CEP120: variants seen among roughly 807,000 people sequenced by gnomAD.
The protein encoded by CEP120 is centrosomal protein 120.
CEP120 carries 113 observed loss-of-function variants against 126.5 expected under a neutral mutation model. The ratio of observed to expected loss-of-function variants is 0.89; its 90% CI spans 0.77 to 1.04. CEP120 has a LOEUF of 1.04. CEP120 is among the 50% of genes least tolerant of loss of function. The pLI is 0.00. For synonymous variants in CEP120, 400 were observed against 394.3 expected, an observed-to-expected ratio of 1.01 and a Z score of -0.17; for missense variants, 1,230 against 1,155.7, an observed-to-expected ratio of 1.06 and a Z score of -0.93.
intron 4 of CEP120, chr5:123,402,487 T>C (rs1773324465): frequency 5.5e-6 from 3 of 545,502 alleles, no homozygotes; most frequent in African/African-American, 1.9e-5. Context: ...CTCGGCTTAC[T>C]GCAACCTCTG....
chr5:123,395,043 G>T (rs1772681248), intron 5 of CEP120, among the ~76,000 whole-genome samples: 1 of 152,150 alleles, frequency 6.6e-6, no homozygotes, highest in Admixed American at 6.5e-5. Flanking sequence ...CCATTACAGT[G>T]ATTATTCTGG....
chr5:123,364,524 G>T lies in CEP120; in HGVS notation c.2552C>A (p.Ala851Asp). 6.2e-7 allele frequency: 1 copy of T among 1,606,194 alleles called. No individual in the cohort carries two copies. The highest frequency in any genetic ancestry group is 8.5e-7 in the Non-Finnish European group (1 of 1,175,062). The change falls in exon 18 of 20, where the codon GCT becomes GAT. Residue 851 changes from alanine to aspartate, a missense_variant. By Grantham distance (126) the Ala-to-Asp change is moderately radical. Transcript: ENST00000306467. ...TTTAAGTCTGGCAAGTTCTTTCAAA[G>T]CTCGTCCCCACTGCTGCTTGTAATG... Reference protein sequence around the residue: ...KLHYKQQWGRALKELARLKQR... With the variant: ...KLHYKQQWGRDLKELARLKQR...
In CEP120 at chr5:123,423,058, C is replaced by A; in HGVS notation, c.-60G>T. 1.4e-6 allele frequency: 2 copies of A among 1,458,888 alleles called. No individual in the cohort carries two copies. Among genetic ancestry groups the A allele is most frequent in the South Asian group, 1.1e-5 (1 of 88,050 alleles). The allele number at this position is 1,458,888 out of a possible 1,614,324, so 90.4% of individuals were successfully genotyped here. A position where few individuals can be genotyped will look rare whatever the true frequency, so the allele number is the denominator to read the frequency against. On this transcript the variant is annotated 5_prime_UTR_variant, in exon 1 of 20. Transcript: ENST00000306467. ...GGGGGGAAGTGAGGTCCAGTTGAGT[C>A]GCGGGTAATCCGGGACCCCCGGCGG...
intron 5 of CEP120, among the ~76,000 whole-genome samples, chr5:123,398,900 T>C (rs377177630): frequency 1.3e-5 from 2 of 152,198 alleles, no homozygotes; most frequent in Non-Finnish European, 2.9e-5. Context: ...TGTTAACTGA[T>C]GGCCATTCTC....
intron 16 of CEP120, among the ~76,000 whole-genome samples, chr5:123,374,941 A>C (rs1174734751): frequency 6.6e-6 from 1 of 152,132 alleles, no homozygotes; most frequent in African/African-American, 2.4e-5. Context: ...CACAAACTAC[A>C]GATTTGAGTT....
intron 18 of CEP120, among the ~76,000 whole-genome samples, chr5:123,363,166 A>G (rs1280740879): frequency 6.6e-6 from 1 of 151,384 alleles, no homozygotes; most frequent in Non-Finnish European, 1.5e-5. Flanking sequence ...TTCCCCCACT[A>G]CTTTCCTAAA....
chr5:123,394,068 C>G (rs549869607), intron 5 of CEP120, among the ~76,000 whole-genome samples: 146 of 152,252 alleles, frequency 9.6e-4, no homozygotes, highest in African/African-American at 3.2e-3. Flanking sequence ...CTACATATGA[C>G]TAAGAGATGG....
rs373457015 is a variant in CEP120 at position 123,382,878 on chromosome 5, G to A, written c.1872C>T (p.Ala624=). Residue 624 remains alanine, a synonymous_variant, in exon 13 of 20, where the codon GCC becomes GCT. Transcript: ENST00000306467. ...GAAGAGAAGACGGCTTTTGCTGTAC[G>A]GCAGATACACCCTAAGAGATGAACC... The part of the protein sequence containing the change: ...FISDSSQGVS[A]VQQKPSSLPP... The A allele has an allele frequency of 7.4e-6, 12 of 1,612,934 alleles. No individual in the cohort carries two copies. The highest frequency in any genetic ancestry group is 5.3e-5 in the African/African-American group (4 of 74,774).
At chr5:123,355,163 A>G (rs897095563) in intron 18 of CEP120, among the ~76,000 whole-genome samples, 10 of 151,946 alleles carry the variant, frequency 6.6e-5, no homozygotes, top group African/African-American at 2.4e-4. Flanking sequence ...TATGCGCCAT[A>G]TTTTCTTAAT....
At chr5:123,416,435 G>A (rs1297070806) in intron 2 of CEP120, among the ~76,000 whole-genome samples, 6 of 151,956 alleles carry the variant, frequency 3.9e-5, no homozygotes, top group Admixed American at 3.3e-4. Context: ...GCTGGGTGTG[G>A]TGCCACGCGC....
At chr5:123,377,680 G>T in intron 15 of CEP120, 145 bp from the exon 16 acceptor site, 1 of 606,870 alleles carries the variant, frequency 1.6e-6, no homozygotes, top group South Asian at 2.8e-5. Context: ...GAGAGTTAAT[G>T]TTCAAGTGTA....
At chr5:123,401,124 T>C (rs566008827) in intron 4 of CEP120, 1 of 1,602,990 alleles carries the variant, frequency 6.2e-7, no homozygotes, top group Non-Finnish European at 8.5e-7. Flanking sequence ...ACTCATGTTC[T>C]GCATCCCAGA....
chr5:123,392,066 T>C lies in CEP120; in HGVS notation c.811-729A>G, dbSNP rs34689901. 9.4e-3 allele frequency among the ~76,000 whole-genome samples: 1,425 copies of C among 152,252 alleles called. 13 individuals carry two copies. Among genetic ancestry groups the C allele is most frequent in the Non-Finnish European group, 0.017 (1,130 of 67,980 alleles). On this transcript the variant is annotated intron_variant, in intron 6 of 19. Transcript: ENST00000306467. Reference sequence around the variant, plus strand: ...ATTTGAATGAATAATAAATAAGCAATCATGCTGTAAAATATATTTAGCTCT... The same window carrying C: ...ATTTGAATGAATAATAAATAAGCAACCATGCTGTAAAATATATTTAGCTCT...
chr5:123,399,170 G>A lies in CEP120; in HGVS notation c.578C>T (p.Ser193Leu). Reference protein sequence around the residue: ...AEYCTDSFIMSVTIAFATQLE... With the variant: ...AEYCTDSFIMLVTIAFATQLE... ...CTGGGTAGCAAATGCTATGGTCACT[G>A]ACATAATAAAGGAGTCAGTACAGTA... The change falls in exon 5 of 20, where the codon TCA becomes TTA. Residue 193 changes from serine (S) to leucine (L), a missense_variant. Transcript: ENST00000306467. 6.2e-7 allele frequency: 1 copy of A among 1,613,280 alleles called. No individual in the cohort carries two copies. The highest frequency in any genetic ancestry group is 1.1e-5 in the South Asian group (1 of 90,926).
At chr5:123,383,653 CATAA>C in intron 11 of CEP120, among the ~76,000 whole-genome samples, 1 of 152,046 alleles carries the variant, frequency 6.6e-6, no homozygotes, top group East Asian at 1.9e-4. Context: ...TGTACATACT[CATAA>C]ATATTTTACT....
At chr5:123,354,504 C>T (rs1367110951) in intron 18 of CEP120, among the ~76,000 whole-genome samples, 3 of 152,120 alleles carry the variant, frequency 2.0e-5, no homozygotes, top group African/African-American at 7.2e-5. Context: ...AATCTTCTAT[C>T]ATTATAGATT....
chr5:123,402,816 G>C (rs1416849687), intron 4 of CEP120, among the ~76,000 whole-genome samples: 1 of 152,206 alleles, frequency 6.6e-6, no homozygotes, highest in Non-Finnish European at 1.5e-5. Flanking sequence ...CCAATGTGAT[G>C]GTATTAGGAG....
Position 123,377,491 on chromosome 5 carries a change from G to A in CEP120, c.2241C>T (p.Asn747=). The A allele has an allele frequency of 1.3e-6, 2 of 1,598,926 alleles. No individual in the cohort carries two copies. Among genetic ancestry groups the A allele is most frequent in the Non-Finnish European group, 1.7e-6 (2 of 1,176,550 alleles). The change falls in exon 16 of 20, where the codon AAC becomes AAT. Residue 747 remains asparagine (N), a synonymous_variant. Coordinates refer to ENST00000306467, the MANE Select transcript of CEP120 (RefSeq NM_001375405.1). The part of the protein sequence containing the change: ...KKELQSERQR[N]LQELQDSIRR... ...GGATAGAGTCCTGCAGTTCTTGCAGGTTCCGCTGACGTTCTGATTGCAGTT... is the reference window on the plus strand; with the variant it reads ...GGATAGAGTCCTGCAGTTCTTGCAGATTCCGCTGACGTTCTGATTGCAGTT...
At chr5:123,422,806 C>G in intron 1 of CEP120, 144 bp downstream of exon 1, 3 of 807,956 alleles carry the variant, frequency 3.7e-6, no homozygotes, top group South Asian at 1.5e-5. Flanking sequence ...TAACAGACCT[C>G]ACTACGTACA....
Sources: allele counts gnomAD v4.1 joint callset (sites outside exome capture counted in the v4.1 genomes callset), GRCh38; gene constraint gnomAD v4.1.1; transcripts MANE v1.5; gene names NCBI Gene and HGNC (gene_info 2026-07-23, HGNC 2026-07-21).